The following CTNNA2 variants were observed in gnomAD, a reference collection of about 807,000 sequenced individuals.
CTNNA2 encodes the protein catenin alpha-2.
A neutral mutation model predicts 101.0 loss-of-function variants in CTNNA2; 42 were observed. That is an observed-to-expected ratio of 0.42 (90% CI 0.32 to 0.54). The LOEUF is 0.54. Among genes scored for constraint, CTNNA2 ranks in the 20% least tolerant of loss-of-function variants. CTNNA2 has a pLI of 0.14. For missense variants in CTNNA2, 871 were observed against 1,223.1 expected, an observed-to-expected ratio of 0.71 and a Z score of 4.29; for synonymous variants, 450 against 456.4, an observed-to-expected ratio of 0.99 and a Z score of 0.18.
intron 7 of CTNNA2, among the ~76,000 whole-genome samples, chr2:79,986,680 A>G (rs1691785275): frequency 6.6e-6 from 1 of 152,138 alleles, no homozygotes; most frequent in Non-Finnish European, 1.5e-5. Context: ...CACCAAAAGC[A>G]TACACTACTA....
At chr2:79,797,310 A>G (rs888051824) in intron 3 of CTNNA2, among the ~76,000 whole-genome samples, 6 of 152,132 alleles carry the variant, frequency 3.9e-5, no homozygotes, top group Non-Finnish European at 7.3e-5. Context: ...GTCATCTAAA[A>G]TAAGCATGAT....
chr2:79,305,987 A>G (rs1414678004), intron 2 of CTNNA2, among the ~76,000 whole-genome samples: 1 of 148,764 alleles, frequency 6.7e-6, no homozygotes, highest in Non-Finnish European at 1.5e-5. Flanking sequence ...CAGAGCTTGC[A>G]GTGAGCTGAG....
intron 2 of CTNNA2, among the ~76,000 whole-genome samples, chr2:79,676,636 C>G (rs1322043108): frequency 6.6e-6 from 1 of 152,050 alleles, no homozygotes; most frequent in Non-Finnish European, 1.5e-5. Flanking sequence ...CTCTGCCTGA[C>G]TAGTGGATGG....
At chr2:79,289,821 G>A (rs747549009) in intron 2 of CTNNA2, among the ~76,000 whole-genome samples, 4 of 152,146 alleles carry the variant, frequency 2.6e-5, no homozygotes, top group South Asian at 2.1e-4. Flanking sequence ...GTTTACCAAG[G>A]GTGACAGTAT....
At chr2:79,436,742 C>T (rs1325037465) in intron 4 of CTNNA2, among the ~76,000 whole-genome samples, 2 of 152,042 alleles carry the variant, frequency 1.3e-5, no homozygotes, top group Non-Finnish European at 2.9e-5. Flanking sequence ...CGCCATTATC[C>T]TGCCTCAGCC....
At chr2:80,384,328 T>C (rs1676795349) in intron 7 of CTNNA2, among the ~76,000 whole-genome samples, 1 of 151,846 alleles carries the variant, frequency 6.6e-6, no homozygotes, top group Admixed American at 6.6e-5. Flanking sequence ...TGACACATAA[T>C]GTGTGTGACA....
At chr2:80,504,730 G>A (rs1354419074) in intron 9 of CTNNA2, among the ~76,000 whole-genome samples, 1 of 152,088 alleles carries the variant, frequency 6.6e-6, no homozygotes, top group South Asian at 2.1e-4. Flanking sequence ...GGATTGTGAT[G>A]GAGATTCAAT....
chr2:79,388,679 A>T (rs1405372618), intron 4 of CTNNA2, among the ~76,000 whole-genome samples: 1 of 152,132 alleles, frequency 6.6e-6, no homozygotes, highest in African/African-American at 2.4e-5. Context: ...GCAAAGATCT[A>T]ATGAGGGCAG....
At chr2:80,008,618 A>T (rs1208652573) in intron 7 of CTNNA2, among the ~76,000 whole-genome samples, 1 of 152,170 alleles carries the variant, frequency 6.6e-6, no homozygotes, top group Admixed American at 6.5e-5. Flanking sequence ...GTTTCCCTCC[A>T]TGTTTAGGTA....
At chr2:80,185,022 A>G (rs1706029041) in intron 7 of CTNNA2, among the ~76,000 whole-genome samples, 1 of 152,230 alleles carries the variant, frequency 6.6e-6, no homozygotes, top group African/African-American at 2.4e-5. Flanking sequence ...TCAATGGTTT[A>G]AAACAACAGG....
intron 1 of CTNNA2, among the ~76,000 whole-genome samples, chr2:79,535,200 A>G (rs1000921158): frequency 6.6e-6 from 1 of 151,706 alleles, no homozygotes; most frequent in African/African-American, 2.4e-5. Context: ...TGAATAAACT[A>G]TTTTTCAATG....
intron 9 of CTNNA2, among the ~76,000 whole-genome samples, chr2:80,466,518 G>A (rs913119185): frequency 6.6e-6 from 1 of 152,024 alleles, no homozygotes; most frequent in African/African-American, 2.4e-5. Flanking sequence ...CTTACTAGAG[G>A]AGCCTCTTAA....
At chr2:80,092,275 T>C (rs1699837258) in intron 7 of CTNNA2, among the ~76,000 whole-genome samples, 1 of 152,132 alleles carries the variant, frequency 6.6e-6, no homozygotes, top group South Asian at 2.1e-4. Context: ...CAAATATTTG[T>C]CACAAGAATA....
chr2:79,619,663 A>G (rs1678866901), intron 1 of CTNNA2, among the ~76,000 whole-genome samples: 1 of 152,168 alleles, frequency 6.6e-6, no homozygotes. Context: ...TCATATTTCA[A>G]TACGTGTGTC....
At chr2:79,918,845 C>T (rs1686446368) in intron 7 of CTNNA2, among the ~76,000 whole-genome samples, 1 of 152,206 alleles carries the variant, frequency 6.6e-6, no homozygotes, top group African/African-American at 2.4e-5. Context: ...GAACAAGCCA[C>T]TGTGAATGAG....
chr2:79,589,823 C>T (rs1219282104), intron 1 of CTNNA2, among the ~76,000 whole-genome samples: 1 of 151,584 alleles, frequency 6.6e-6, no homozygotes, highest in Non-Finnish European at 1.5e-5. Flanking sequence ...TACTATCGCA[C>T]CAAGCTACAG....
intron 1 of CTNNA2, among the ~76,000 whole-genome samples, chr2:79,186,554 G>A (rs533798340): frequency 6.6e-6 from 1 of 152,254 alleles, no homozygotes; most frequent in South Asian, 2.1e-4. Context: ...ATAAAGATAA[G>A]AGCTTGTCTC....
rs906159224 is a variant in CTNNA2, at chr2:80,383,517, T to C, written c.1057-9694T>C. On this transcript the variant is annotated intron_variant, in intron 7 of 18. Transcript: ENST00000402739. The stretch of plus-strand genomic sequence containing the variant: ...AACACTAGGTAGCATACTGTAAATA[T>C]ATGCATGGTTTGGCACACTACCTAC... 3.9e-5 allele frequency among the ~76,000 whole-genome samples: 6 copies of C among 152,136 alleles called. No individual in the cohort carries two copies. The East Asian group carries it at 9.6e-4, about 24-fold the overall frequency.
intron 4 of CTNNA2, among the ~76,000 whole-genome samples, chr2:79,387,241 T>C (rs1255376922): frequency 6.6e-6 from 1 of 152,220 alleles, no homozygotes; most frequent in Non-Finnish European, 1.5e-5. Context: ...GCTCTGGGCA[T>C]GGGCTTTGGC....
Sources: gnomAD v4.1 joint callset for allele counts (sites outside exome capture counted in the v4.1 genomes callset) on GRCh38, gnomAD v4.1.1 for gene constraint, MANE v1.5 for transcripts, NCBI Gene and HGNC (gene_info 2026-07-23, HGNC 2026-07-21) for gene names.